Variants in BMF observed in about 807,000 individuals in gnomAD.
BMF encodes Bcl2 modifying factor.
In BMF, 10 loss-of-function variants were observed where a neutral mutation model predicts 22.0. The ratio of observed to expected loss-of-function variants is 0.45; its 90% confidence interval spans 0.28 to 0.77. The LOEUF is 0.77. Among genes scored for constraint, BMF ranks in the 30% least tolerant of loss-of-function variants. The pLI, the probability that BMF is intolerant of heterozygous loss-of-function variation, is 0.13. For missense variants in BMF, 206 were observed against 226.8 expected (o/e 0.91, Z 0.59); for synonymous variants, 87 against 88.1 (o/e 0.99, Z 0.07).
At chr15:40,105,736 A>C in intron 3 of BMF, 59 bp downstream of exon 3, 1 of 1,515,540 alleles carries the variant, frequency 6.6e-7, no homozygotes. Flanking sequence ...TTGGGGAGGG[A>C]AAGTCCCCTC....
At chr15:40,101,587 C>G (rs138903955) in intron 4 of BMF, among the ~76,000 whole-genome samples, 266 of 152,316 alleles carry the variant, frequency 1.7e-3, no homozygotes, top group Non-Finnish European at 3.2e-3. Flanking sequence ...GGAGTGACAA[C>G]AGTACTTTCT....
In BMF at chr15:40,104,339, G is replaced by T. The variant is rs559943013; in HGVS notation, c.294C>A (p.Gly98=). ...VTEEPQRLFY[G]NAGYRLPLPA... ...GGAGAGGAAGCCGATAGCCAGCATT[G>T]CCTGCAAAGATAGAGGATCCACATC... Residue 98 remains glycine, a splice_region_variant and synonymous_variant, in exon 4 of 5, where the codon GGC becomes GGA. Transcript: ENST00000354670. 1 of 1,614,068 alleles carries T rather than the reference G, an allele frequency of 6.2e-7. No individual in the cohort carries two copies. The highest frequency in any genetic ancestry group is 1.7e-5 in the Admixed American group (1 of 60,024).
chr15:40,103,729 C>T (rs1246859863), intron 4 of BMF, among the ~76,000 whole-genome samples: 1 of 152,224 alleles, frequency 6.6e-6, no homozygotes, highest in African/African-American at 2.4e-5. Flanking sequence ...ACCACTTTCC[C>T]CAACTCAGGC....
chr15:40,098,798 G>GCCATC (rs2036416108), intron 4 of BMF, among the ~76,000 whole-genome samples: 1 of 152,114 alleles, frequency 6.6e-6, no homozygotes, highest in African/African-American at 2.4e-5. Flanking sequence ...CCCATGGCAG[G>GCCATC]CCTTGGTGGG....
At position 40,105,767 on chromosome 15, in the gene BMF, G is replaced by A. The variant is rs200360474; in HGVS notation, c.292+28C>T. The A allele has an allele frequency of 3.2e-6, 5 of 1,565,508 alleles. No homozygotes were observed. The East Asian group carries it at 1.1e-4, about 35-fold the overall frequency. On this transcript the variant is annotated intron_variant, in intron 3 of 4. Coordinates refer to ENST00000354670, the MANE Select transcript of BMF (RefSeq NM_001003940.2). The stretch of plus-strand genomic sequence containing the variant: ...CCCTCTTTTCCCCCAGTCTCTATGG[G>A]AGGAGTCTTGAGGCTGAGAGCACTC...
chr15:40,094,146 A>G (rs74009115), intron 4 of BMF, among the ~76,000 whole-genome samples: 1,819 of 152,254 alleles, frequency 0.012, 41 homozygotes, highest in African/African-American at 0.042. Flanking sequence ...GAATTCTATG[A>G]TTTGGGGCTG....
Position 40,091,726 on chromosome 15 carries a change from C to G in BMF, c.*61G>C. 8.1e-7 allele frequency: 1 copy of G among 1,233,820 alleles called. No homozygotes were observed. The highest frequency in any genetic ancestry group is 1.2e-6 in the Non-Finnish European group (1 of 863,406). 76.4% of individuals were successfully genotyped at this position (1,233,820 alleles called of 1,614,324 possible). A position where few individuals can be genotyped will look rare whatever the true frequency, so the allele number is the denominator to read the frequency against. On this transcript the variant is annotated 3_prime_UTR_variant, in exon 5 of 5. Coordinates refer to ENST00000354670, the MANE Select transcript of BMF (RefSeq NM_001003940.2). ...CACAAGACACAGTGTCAGTCCTGCC[C>G]GATGTCCTTCCTGTTCCAGACGGTG...
intron 4 of BMF, among the ~76,000 whole-genome samples, chr15:40,092,365 G>T (rs1032652031): frequency 2.6e-5 from 4 of 152,130 alleles, no homozygotes; most frequent in African/African-American, 9.7e-5. Context: ...ACACTGTGAA[G>T]GTCAAAGGGT....
intron 2 of BMF, among the ~76,000 whole-genome samples, chr15:40,107,422 C>G (rs2141065426): frequency 6.6e-6 from 1 of 152,234 alleles, no homozygotes; most frequent in Non-Finnish European, 1.5e-5. Flanking sequence ...CCATCCCATC[C>G]CTGTCCCTGA....
At position 40,107,705 on chromosome 15, in the gene BMF, T is replaced by C. The variant is rs574297619; in HGVS notation, c.-6+554A>G. On this transcript the variant is annotated intron_variant, in intron 2 of 4. Transcript: ENST00000354670. ...TCCCCTCCAGCTCTCCAACCTCCTC[T>C]TCTCAGGCTAGCAATCTTGACCTAA... Among the ~76,000 whole-genome samples the C allele has an allele frequency of 5.3e-5, 8 of 152,314 alleles. No homozygotes were observed. The East Asian group carries it at 1.5e-3, about 29-fold the overall frequency.
At position 40,105,990 on chromosome 15, in the gene BMF, CAGCAGAG is replaced by C; in HGVS notation, c.90_96del (p.Ser31ThrfsTer56). ...TCCAGTAGGCTCTGGGCAAACAGGT[CAGCAGAG>C]AGCAAGCTCCCGGGTTGGGTCACCG... On this transcript the variant is annotated frameshift_variant, in exon 3 of 5. Coordinates refer to ENST00000354670, the MANE Select transcript of BMF (RefSeq NM_001003940.2). LOFTEE classifies it high-confidence loss of function. 1.2e-6 allele frequency: 2 copies of C among 1,614,022 alleles called. No homozygotes were observed. The highest frequency in any genetic ancestry group is 1.7e-6 in the Non-Finnish European group (2 of 1,180,020).
At chr15:40,107,574 GTA>G (rs1555428564) in intron 2 of BMF, among the ~76,000 whole-genome samples, 105 of 145,152 alleles carry the variant, frequency 7.2e-4, no homozygotes, top group Admixed American at 5.8e-3. Flanking sequence ...GTGTGTGTGT[GTA>G]TGGGGAGGGG....
chr15:40,104,456 T>A (rs1170521865), intron 3 of BMF, 116 bp from the exon 4 acceptor site: 8 of 1,353,630 alleles, frequency 5.9e-6, no homozygotes, highest in Non-Finnish European at 8.1e-6. Flanking sequence ...TGAGAAAGGA[T>A]AGGAGCCAGC....
intron 4 of BMF, among the ~76,000 whole-genome samples, chr15:40,095,519 G>A (rs1233835574): frequency 6.6e-6 from 1 of 152,196 alleles, no homozygotes; most frequent in African/African-American, 2.4e-5. Context: ...ACCCGGCACA[G>A]CACCCAGCGC....
intron 4 of BMF, among the ~76,000 whole-genome samples, chr15:40,099,804 G>A (rs972997259): frequency 1.4e-5 from 2 of 143,564 alleles, no homozygotes; most frequent in East Asian, 2.0e-4. Flanking sequence ...AAAAAAAAAG[G>A]CTTGGAGAGA....
rs144511634 is a variant in BMF, at chr15:40,106,589, T to A, written c.-5-498A>T. Reference sequence around the variant, plus strand: ...TGTCCCAAGGAAATTCTTATCTCAGTCTGAGCTGAGCTCCAGGCTCAGCAG... The same window carrying A: ...TGTCCCAAGGAAATTCTTATCTCAGACTGAGCTGAGCTCCAGGCTCAGCAG... On this transcript the variant is annotated intron_variant, in intron 2 of 4. Transcript: ENST00000354670. The surrounding 1 kb of genome is among the most constrained non-coding windows in gnomAD (Gnocchi z 4.1). 1,628 of 144,926 alleles carry A rather than the reference T, an allele frequency of 0.011. 15 individuals carry two copies. The highest frequency in any genetic ancestry group is 0.018 in the Non-Finnish European group (1,224 of 66,742). The allele number at this position is 144,926 out of a possible 1,614,324, so 9.0% of individuals were successfully genotyped here.
intron 4 of BMF, among the ~76,000 whole-genome samples, chr15:40,096,267 A>G (rs1410538071): frequency 6.6e-6 from 1 of 150,976 alleles, no homozygotes; most frequent in African/African-American, 2.4e-5. Flanking sequence ...CTAAGCACAA[A>G]GCGTGTTCCC....
intron 4 of BMF, among the ~76,000 whole-genome samples, chr15:40,097,849 C>A (rs921536152): frequency 6.6e-6 from 1 of 152,196 alleles, no homozygotes; most frequent in African/African-American, 2.4e-5. Flanking sequence ...ACCATCTTCC[C>A]GGCAGACTCA....
chr15:40,092,192 A>G (rs1055580131), intron 4 of BMF, among the ~76,000 whole-genome samples: 3 of 152,210 alleles, frequency 2.0e-5, no homozygotes, highest in African/African-American at 7.2e-5. Context: ...GAGTTTAGCC[A>G]AGTGCTGCTT....
Sources: allele counts gnomAD v4.1 joint callset (sites outside exome capture counted in the v4.1 genomes callset), GRCh38; gene constraint gnomAD v4.1.1; non-coding constraint Gnocchi (gnomAD v3.1); transcripts MANE v1.5; gene names NCBI Gene and HGNC (gene_info 2026-07-23, HGNC 2026-07-21).